The following DNAH14 variants were observed in gnomAD, a reference collection of about 807,000 sequenced individuals.
DNAH14 encodes dynein axonemal heavy chain 14.
In DNAH14, 478 loss-of-function variants were observed where a neutral mutation model predicts 520.9. That is an observed-to-expected ratio of 0.92 (90% CI 0.85 to 0.99). DNAH14 has a LOEUF of 0.99. DNAH14 is among the 50% of genes least tolerant of loss of function. DNAH14 has a pLI of 0.00. For missense variants in DNAH14, 4,831 were observed against 5,234.5 expected, an observed-to-expected ratio of 0.92 and a Z score of 2.38; for synonymous variants, 1,581 against 1,757.2, an observed-to-expected ratio of 0.90 and a Z score of 2.51.
At chr1:225,151,703 T>C (rs1180221678) in intron 31 of DNAH14, among the ~76,000 whole-genome samples, 1 of 152,226 alleles carries the variant, frequency 6.6e-6, no homozygotes, top group Admixed American at 6.5e-5. Flanking sequence ...ATTCCCTAAG[T>C]GTCTCCCAGG....
intron 17 of DNAH14, among the ~76,000 whole-genome samples, chr1:225,055,593 A>T (rs2068956397): frequency 1.3e-5 from 2 of 152,044 alleles, no homozygotes; most frequent in African/African-American, 4.8e-5. Flanking sequence ...CGTGCAGGTT[A>T]GTTACATATG....
chr1:225,019,894 C>T (rs771437995), intron 10 of DNAH14, among the ~76,000 whole-genome samples: 5 of 152,004 alleles, frequency 3.3e-5, no homozygotes, highest in Non-Finnish European at 5.9e-5. Context: ...GTACACCTAC[C>T]TCAAGAAGTT....
At chr1:225,355,132 T>C (rs2095415427) in intron 73 of DNAH14, among the ~76,000 whole-genome samples, 1 of 152,200 alleles carries the variant, frequency 6.6e-6, no homozygotes. Context: ...AACGGAAATG[T>C]ACTGCTCACC....
At chr1:225,235,028 C>T (rs1409426249) in intron 42 of DNAH14, among the ~76,000 whole-genome samples, 1 of 152,130 alleles carries the variant, frequency 6.6e-6, no homozygotes, top group Admixed American at 6.6e-5. Flanking sequence ...TATATGAATA[C>T]ACTTTATTTC....
intron 71 of DNAH14, among the ~76,000 whole-genome samples, chr1:225,351,184 A>G (rs2095361063): frequency 6.6e-6 from 1 of 152,170 alleles, no homozygotes; most frequent in African/African-American, 2.4e-5. Flanking sequence ...TTGGGGGCAG[A>G]TCACTTTAGG....
At chr1:225,107,575 G>A (rs1001275857) in intron 23 of DNAH14, among the ~76,000 whole-genome samples, 1 of 152,148 alleles carries the variant, frequency 6.6e-6, no homozygotes, top group African/African-American at 2.4e-5. Context: ...ATAGAAGTGG[G>A]AAGAAAAAAG....
chr1:225,148,779 T>G (rs1043717671), intron 31 of DNAH14, among the ~76,000 whole-genome samples: 2 of 152,180 alleles, frequency 1.3e-5, no homozygotes, highest in African/African-American at 4.8e-5. Context: ...TTTGCCCACT[T>G]TTTAATAGAG....
At position 225,266,705 on chromosome 1, in the gene DNAH14, T is replaced by C. The variant is rs1176376331; in HGVS notation, c.7475T>C (p.Leu2492Pro). The change falls in exon 49 of 86, where the codon CTG becomes CCG. Residue 2492 changes from leucine to proline, a missense_variant. Physicochemically the swap from Leu to Pro is moderately conservative, Grantham distance 98 (BLOSUM62 -3). Transcript: ENST00000682510. ...VSDMYGAQPP[L>P]ELIRQLLDLG... Reference sequence around the variant, plus strand: ...GATATGTATGGAGCACAGCCACCCCTGGAATTGATAAGACAATTGTTAGAT... The same window carrying C: ...GATATGTATGGAGCACAGCCACCCCCGGAATTGATAAGACAATTGTTAGAT... 5 of 1,525,482 alleles carry C rather than the reference T, an allele frequency of 3.3e-6. No individual in the cohort carries two copies. The highest frequency in any genetic ancestry group is 3.5e-6 in the Non-Finnish European group (4 of 1,140,178). The allele number at this position is 1,525,482 out of a possible 1,614,324, so 94.5% of individuals were successfully genotyped here. A position where few individuals can be genotyped will look rare whatever the true frequency, so the allele number is the denominator to read the frequency against.
intron 42 of DNAH14, among the ~76,000 whole-genome samples, chr1:225,237,461 C>T (rs1238996314): frequency 6.6e-6 from 1 of 152,150 alleles, no homozygotes; most frequent in African/African-American, 2.4e-5. Flanking sequence ...GCTTATAGGG[C>T]TTTCTCTGAG....
intron 1 of DNAH14, among the ~76,000 whole-genome samples, chr1:224,942,073 C>T (rs2059458033): frequency 2.6e-5 from 4 of 152,136 alleles, no homozygotes; most frequent in African/African-American, 9.7e-5. Context: ...ATGGGGATGG[C>T]ATTGAATCTA....
chr1:225,163,126 A>T (rs1002714643), intron 35 of DNAH14, among the ~76,000 whole-genome samples: 2 of 142,112 alleles, frequency 1.4e-5, no homozygotes, highest in African/African-American at 5.4e-5. Context: ...AGACAGCATA[A>T]GACCCTATCT....
At chr1:225,274,930 G>A (rs527593254) in intron 52 of DNAH14, among the ~76,000 whole-genome samples, 1 of 152,342 alleles carries the variant, frequency 6.6e-6, no homozygotes, top group Admixed American at 6.5e-5. Flanking sequence ...GCCAAGCACA[G>A]TGTTAAGACA....
intron 27 of DNAH14, among the ~76,000 whole-genome samples, chr1:225,124,453 T>C (rs1400788396): frequency 1.3e-5 from 2 of 152,222 alleles, no homozygotes; most frequent in Admixed American, 1.3e-4. Context: ...TAAATCCTTT[T>C]TTGTCATTTC....
At chr1:225,355,338 G>A (rs1355093426) in intron 73 of DNAH14, among the ~76,000 whole-genome samples, 1 of 152,052 alleles carries the variant, frequency 6.6e-6, no homozygotes, top group Non-Finnish European at 1.5e-5. Flanking sequence ...GCAGTGGTGT[G>A]ATCACAGCTC....
At chr1:225,306,773 C>G (rs1382117563) in intron 58 of DNAH14, among the ~76,000 whole-genome samples, 2 of 152,106 alleles carry the variant, frequency 1.3e-5, no homozygotes, top group Non-Finnish European at 2.9e-5. Flanking sequence ...ATCTTAAGAG[C>G]TATCACCTTA....
chr1:225,218,077 A>T (rs1159654923), intron 41 of DNAH14, among the ~76,000 whole-genome samples: 4 of 152,204 alleles, frequency 2.6e-5, no homozygotes, highest in Admixed American at 1.3e-4. Flanking sequence ...AGCAAAGGAG[A>T]AACAAAATCC....
In DNAH14 at chr1:225,085,716, T is replaced by C. The variant is rs939667320; in HGVS notation, c.3500T>C (p.Ile1167Thr). 11 of 1,551,376 alleles carry C rather than the reference T, an allele frequency of 7.1e-6. No homozygotes were observed. The Admixed American group carries it at 2.0e-4, about 28-fold the overall frequency. Residue 1167 changes from isoleucine (I) to threonine (T), a missense_variant, in exon 21 of 86, where the codon ATA becomes ACA. Physicochemically the swap from Ile to Thr is moderately conservative, Grantham distance 89. Coordinates refer to ENST00000682510, the MANE Select transcript of DNAH14 (RefSeq NM_001367479.1). ...SIFIIPSIDD[I>T]SAQLEESQVI... ...TTCATAATTCCATCTATAGATGACA[T>C]ATCAGCTCAGTTAGAAGAGTCTCAA...
intron 71 of DNAH14, among the ~76,000 whole-genome samples, chr1:225,348,436 C>T (rs1246933218): frequency 1.3e-5 from 2 of 152,150 alleles, no homozygotes; most frequent in East Asian, 1.9e-4. Flanking sequence ...TATAATCAAA[C>T]TGTCTAAAGT....
rs1168203811 is a variant in DNAH14, at chr1:225,232,300, C to CACACACACACAT, written c.6518+1149_6518+1150insACACACACACAT. ...ATATATACACACACACACACACACA[C>CACACACACACAT]GTGTATCACAGGTTATTTATCGATT... is the stretch of plus-strand genomic sequence containing the variant. On this transcript the variant is annotated intron_variant, in intron 42 of 85. Transcript: ENST00000682510. This position sits in a 1 kb window ranked among gnomAD's most constrained non-coding sequence, Gnocchi z 4.2. 5.3e-5 allele frequency among the ~76,000 whole-genome samples: 8 copies of CACACACACACAT among 151,520 alleles called. No homozygotes were observed. Among genetic ancestry groups the CACACACACACAT allele is most frequent in the Admixed American group, 4.6e-4 (7 of 15,108 alleles).
Sources: allele counts gnomAD v4.1 joint callset (sites outside exome capture counted in the v4.1 genomes callset), GRCh38; gene constraint gnomAD v4.1.1; non-coding constraint Gnocchi (gnomAD v3.1); transcripts MANE v1.5; gene names NCBI Gene and HGNC (gene_info 2026-07-23, HGNC 2026-07-21).